Variants in ELF1 observed in about 807,000 individuals in gnomAD.
ELF1 encodes E74 like ETS transcription factor 1.
In ELF1, 24 loss-of-function variants were observed where a neutral mutation model predicts 59.9. That is an observed-to-expected ratio of 0.40 (90% CI 0.29 to 0.56). The LOEUF (loss-of-function observed/expected upper bound fraction) is 0.56. ELF1 is among the 20% of genes least tolerant of loss of function. ELF1 has a pLI of 0.44. For missense variants in ELF1, 627 were observed against 742.2 expected (o/e 0.84, Z 1.80); for synonymous variants, 248 against 266.2 (o/e 0.93, Z 0.67).
chr13:41,009,177 T>C (rs1366376222), intron 1 of ELF1, among the ~76,000 whole-genome samples: 1 of 152,072 alleles, frequency 6.6e-6, no homozygotes, highest in African/African-American at 2.4e-5. Context: ...AAGTTTGTTT[T>C]AATTTCTAAC....
chr13:40,997,066 C>T (rs1017452179), intron 1 of ELF1, among the ~76,000 whole-genome samples: 10 of 152,276 alleles, frequency 6.6e-5, no homozygotes, highest in Middle Eastern at 3.4e-3. Context: ...TCTTTCAAGT[C>T]ACAGTGCAAC....
chr13:41,054,613 T>G (rs751897317), intron 1 of ELF1, among the ~76,000 whole-genome samples: 7 of 152,232 alleles, frequency 4.6e-5, no homozygotes, highest in Non-Finnish European at 8.8e-5. Flanking sequence ...GTCGTAGATT[T>G]TTTCCTTCAG....
intron 2 of ELF1, among the ~76,000 whole-genome samples, chr13:40,961,965 A>G (rs988077633): frequency 1.4e-4 from 21 of 152,244 alleles, no homozygotes; most frequent in African/African-American, 5.1e-4. Context: ...GCTTGGGTAG[A>G]GAGTGCTAAT....
At chr13:40,953,726 G>C (rs1871014044) in intron 3 of ELF1, among the ~76,000 whole-genome samples, 1 of 152,136 alleles carries the variant, frequency 6.6e-6, no homozygotes. Context: ...TCTTCCCCTA[G>C]AGCTTCTCAA....
chr13:40,943,453 A>AC (rs1247244371), intron 6 of ELF1, among the ~76,000 whole-genome samples: 1 of 152,172 alleles, frequency 6.6e-6, no homozygotes, highest in African/African-American at 2.4e-5. Context: ...AACTCTCTCA[A>AC]CAGTAGTTCT....
chr13:41,036,587 A>G (rs1030126237), intron 1 of ELF1, among the ~76,000 whole-genome samples: 4 of 152,220 alleles, frequency 2.6e-5, no homozygotes, highest in African/African-American at 9.6e-5. Flanking sequence ...CATTTGACCC[A>G]GCCATCCCAT....
rs200176451 is a variant in ELF1 at position 40,994,009 on chromosome 13, T to TG, written c.-228-11728_-228-11727insC. ...ACCTTAGCTTCAACCATGCTAATAA[T>TG]AAAAAAAAAAAATCAATATGATCAA... On this transcript the variant is annotated intron_variant, in intron 1 of 8. Coordinates refer to ENST00000239882, the MANE Select transcript of ELF1 (RefSeq NM_172373.4). Among the ~76,000 whole-genome samples, 414 of 146,060 alleles carry TG rather than the reference T, an allele frequency of 2.8e-3. 6 individuals are homozygous for TG. In the East Asian group the frequency reaches 0.053, roughly 19 times the overall value.
intron 1 of ELF1, among the ~76,000 whole-genome samples, chr13:41,003,943 T>C (rs1315421982): frequency 6.6e-6 from 1 of 152,096 alleles, no homozygotes; most frequent in African/African-American, 2.4e-5. Context: ...ACAATAAAAT[T>C]ATTTCTTAGA....
chr13:41,060,764 C>T (rs546053858), intron 1 of ELF1: 11 of 167,550 alleles, frequency 6.6e-5, no homozygotes, highest in Non-Finnish European at 1.1e-4. Context: ...CGAACCCGGG[C>T]CACCTGGGTG....
chr13:41,015,342 A>C (rs1018723220), intron 1 of ELF1, among the ~76,000 whole-genome samples: 6 of 152,166 alleles, frequency 3.9e-5, no homozygotes, highest in Non-Finnish European at 7.4e-5. Context: ...CAGCAAAAAA[A>C]AACAGACTAG....
chr13:40,992,421 T>C (rs769672705), intron 1 of ELF1, among the ~76,000 whole-genome samples: 3 of 152,226 alleles, frequency 2.0e-5, no homozygotes, highest in Admixed American at 6.5e-5. Flanking sequence ...ATCTGTTTAT[T>C]ATTCTAAAAT....
intron 2 of ELF1, among the ~76,000 whole-genome samples, chr13:40,978,325 T>A (rs1873043438): frequency 6.7e-6 from 1 of 149,146 alleles, no homozygotes; most frequent in Admixed American, 6.7e-5. Flanking sequence ...TTGCAGTGAG[T>A]CAAGATCACA....
rs9562257 is a variant in ELF1, at chr13:40,965,592, A to G, written c.73-6576T>C. 9.3e-3 allele frequency among the ~76,000 whole-genome samples: 1,419 copies of G among 152,128 alleles called. 15 individuals are homozygous for G. Among genetic ancestry groups the G allele is most frequent in the East Asian group, 0.05 (258 of 5,176 alleles). The stretch of plus-strand genomic sequence containing the variant: ...GCCCAGATTATGCCACTGCACTCCA[A>G]CCTGGGTGATAGAGCAAGATTTCAT... On this transcript the variant is annotated intron_variant, in intron 2 of 8. Transcript: ENST00000239882.
chr13:40,940,816 C>A, intron 8 of ELF1, 105 bp downstream of exon 8: 1 of 1,304,090 alleles, frequency 7.7e-7, no homozygotes. Context: ...AGCTTGAAAC[C>A]TTTATACTTT....
chr13:41,025,244 T>C (rs1234545179), intron 1 of ELF1, among the ~76,000 whole-genome samples: 1 of 152,202 alleles, frequency 6.6e-6, no homozygotes, highest in Non-Finnish European at 1.5e-5. Context: ...CACTGTTCCC[T>C]GGGCCTGAAA....
intron 1 of ELF1, among the ~76,000 whole-genome samples, chr13:41,050,401 C>T (rs908461559): frequency 6.6e-6 from 1 of 152,236 alleles, no homozygotes; most frequent in African/African-American, 2.4e-5. Flanking sequence ...CATTCATCCA[C>T]TGACTGATCT....
In ELF1 at chr13:40,978,956, G is replaced by C. The variant is rs559739808; in HGVS notation, c.72+3027C>G. ...GTATATTGCTTGTTACATAGGTGAGGCTGAGATTTGAGGTATGATTGATCC... is the reference window on the plus strand; with the variant it reads ...GTATATTGCTTGTTACATAGGTGAGCCTGAGATTTGAGGTATGATTGATCC... On this transcript the variant is annotated intron_variant, in intron 2 of 8. Transcript: ENST00000239882. 8.6e-5 allele frequency among the ~76,000 whole-genome samples: 13 copies of C among 152,042 alleles called. No individual in the cohort carries two copies. The East Asian group carries it at 2.1e-3, about 25-fold the overall frequency.
chr13:40,945,242 G>A (rs1593352448), intron 5 of ELF1, among the ~76,000 whole-genome samples: 1 of 152,102 alleles, frequency 6.6e-6, no homozygotes. Context: ...CACAACAGAT[G>A]CTGCCAGTAA....
chr13:40,933,434 G>A lies in ELF1; in HGVS notation c.1851C>T (p.Asn617=). 1 of 1,610,322 alleles carries A rather than the reference G, an allele frequency of 6.2e-7. No homozygotes were observed. The highest frequency in any genetic ancestry group is 1.7e-5 in the Admixed American group (1 of 59,418). ...AGCTTTGGTATATTAACTAAAAAGAGTTGGGTTCCAGCAGTTCGTTTTGTT... is the reference window on the plus strand; with the variant it reads ...AGCTTTGGTATATTAACTAAAAAGAATTGGGTTCCAGCAGTTCGTTTTGTT... ...AMKQNELLEP[N]SF is the part of the protein sequence containing the mutation. The change falls in exon 9 of 9, where the codon AAC becomes AAT. Residue 617 remains asparagine, a synonymous_variant. Coordinates refer to ENST00000239882, the MANE Select transcript of ELF1 (RefSeq NM_172373.4).
Sources: gnomAD v4.1 joint callset for allele counts (sites outside exome capture counted in the v4.1 genomes callset) on GRCh38, gnomAD v4.1.1 for gene constraint, MANE v1.5 for transcripts, NCBI Gene and HGNC (gene_info 2026-07-23, HGNC 2026-07-21) for gene names.